MAGI2: variants seen among roughly 807,000 people sequenced by gnomAD.
MAGI2 encodes the protein membrane-associated guanylate kinase, WW and PDZ domain-containing protein 2.
In MAGI2, 35 loss-of-function variants were observed where a neutral mutation model predicts 133.3. The ratio of observed to expected loss-of-function variants is 0.26; its 90% CI spans 0.20 to 0.35. MAGI2 has a LOEUF of 0.35. Among genes scored for constraint, MAGI2 ranks in the 10% least tolerant of loss-of-function variants. The pLI, the probability that MAGI2 is intolerant of heterozygous loss-of-function variation, is 1.00. For missense variants in MAGI2, 1,636 were observed against 1,863.4 expected (o/e 0.88, Z 2.25); for synonymous variants, 729 against 710.6 (o/e 1.03, Z -0.41).
At chr7:78,871,813 T>C (rs1042763655) in intron 2 of MAGI2, among the ~76,000 whole-genome samples, 6 of 151,896 alleles carry the variant, frequency 4.0e-5, no homozygotes, top group African/African-American at 1.4e-4. Flanking sequence ...CATAATTATA[T>C]ACCTTTCCAT....
intron 1 of MAGI2, among the ~76,000 whole-genome samples, chr7:79,350,815 T>C (rs1841636509): frequency 6.6e-6 from 1 of 152,130 alleles, no homozygotes; most frequent in Non-Finnish European, 1.5e-5. Flanking sequence ...GGTCTGTTAC[T>C]GAGAAAATTA....
At chr7:78,216,755 A>G (rs1473711896) in intron 10 of MAGI2, among the ~76,000 whole-genome samples, 2 of 152,216 alleles carry the variant, frequency 1.3e-5, no homozygotes, top group African/African-American at 4.8e-5. Flanking sequence ...ATAAACCTCA[A>G]TGCTACTTCC....
intron 1 of MAGI2, among the ~76,000 whole-genome samples, chr7:79,443,397 G>A (rs1344606958): frequency 6.6e-6 from 1 of 151,662 alleles, no homozygotes; most frequent in Non-Finnish European, 1.5e-5. Context: ...AAAGCAAAGC[G>A]AGACTCCTTC....
At chr7:78,434,028 C>T (rs73370252) in intron 6 of MAGI2, among the ~76,000 whole-genome samples, 6,035 of 152,144 alleles carry the variant, frequency 0.04, 165 homozygotes, top group African/African-American at 0.075. Context: ...ATAAAAATAT[C>T]CCTCCATATT....
At chr7:78,032,074 G>A (rs1809649113) in intron 21 of MAGI2, among the ~76,000 whole-genome samples, 1 of 138,736 alleles carries the variant, frequency 7.2e-6, no homozygotes, top group Non-Finnish European at 1.5e-5. Context: ...AGTGAAAATA[G>A]AGCCCCTGTG....
chr7:78,951,881 T>C (rs1801901361), intron 2 of MAGI2, among the ~76,000 whole-genome samples: 1 of 152,218 alleles, frequency 6.6e-6, no homozygotes, highest in Admixed American at 6.5e-5. Context: ...TCCTCTACAC[T>C]GATTAGGGAC....
Position 78,947,304 on chromosome 7 carries a change from C to T in MAGI2, c.418+59786G>A, listed in dbSNP as rs891735275. 2.6e-5 allele frequency among the ~76,000 whole-genome samples: 4 copies of T among 152,214 alleles called. No homozygotes were observed. In the South Asian group the frequency reaches 8.3e-4, roughly 32 times the overall value. On this transcript the variant is annotated intron_variant, in intron 2 of 21. Coordinates refer to ENST00000354212, the MANE Select transcript of MAGI2 (RefSeq NM_012301.4). ...CCTCACCTCACCCAAATACGTGACACATTTTCCTCCATGTACTAAGTAGAT... is the reference window on the plus strand; with the variant it reads ...CCTCACCTCACCCAAATACGTGACATATTTTCCTCCATGTACTAAGTAGAT...
At chr7:79,117,735 C>A (rs1463007594) in intron 1 of MAGI2, among the ~76,000 whole-genome samples, 1 of 152,108 alleles carries the variant, frequency 6.6e-6, no homozygotes, top group Non-Finnish European at 1.5e-5. Context: ...AAAGAAAAAA[C>A]AAATGATTCT....
chr7:79,129,170 A>G (rs1820691751), intron 1 of MAGI2, among the ~76,000 whole-genome samples: 1 of 152,144 alleles, frequency 6.6e-6, no homozygotes, highest in Non-Finnish European at 1.5e-5. Flanking sequence ...AGCCTAGGTC[A>G]CCTCAAATGT....
At chr7:78,161,454 T>C (rs1358287918) in intron 15 of MAGI2, among the ~76,000 whole-genome samples, 1 of 152,074 alleles carries the variant, frequency 6.6e-6, no homozygotes, top group Non-Finnish European at 1.5e-5. Flanking sequence ...AATAATAAGA[T>C]GGAAAATAAT....
chr7:78,559,021 A>G (rs1800115112), intron 3 of MAGI2, among the ~76,000 whole-genome samples: 1 of 151,166 alleles, frequency 6.6e-6, no homozygotes, highest in Non-Finnish European at 1.5e-5. Flanking sequence ...CAAAATGTAC[A>G]GTGTTCTCTG....
chr7:79,240,553 T>A (rs1369604361), intron 1 of MAGI2, among the ~76,000 whole-genome samples: 1 of 152,076 alleles, frequency 6.6e-6, no homozygotes, highest in Non-Finnish European at 1.5e-5. Context: ...TACATAGTGA[T>A]CACTTGGTGA....
Position 78,132,938 on chromosome 7 carries a change from C to T in MAGI2, c.3154G>A (p.Ala1052Thr), listed in dbSNP as rs781523898. 34 of 1,613,578 alleles carry T rather than the reference C, an allele frequency of 2.1e-5. No homozygotes were observed. The highest frequency in any genetic ancestry group is 1.2e-4 in the South Asian group (11 of 91,058). The change falls in exon 18 of 22, where the codon GCC (alanine) becomes ACC (threonine). Residue 1052 changes from alanine to threonine, a missense_variant. Ala to Thr is a moderately conservative substitution (Grantham distance 58). Transcript: ENST00000354212. ...AGTGGTTGAGGTGGTGCTGGCTGGG[C>T]GATGGGGCTGTTGGGGGTGGCTGGG... ...PSPATPNSPI[A>T]QPAPPQPLQL...
At chr7:79,051,704 A>G (rs1812684080) in intron 1 of MAGI2, among the ~76,000 whole-genome samples, 1 of 151,992 alleles carries the variant, frequency 6.6e-6, no homozygotes, top group African/African-American at 2.4e-5. Context: ...TTTATACAAG[A>G]AAAAATGTAA....
At chr7:78,477,874 A>C (rs1027396268) in intron 6 of MAGI2, among the ~76,000 whole-genome samples, 1 of 151,914 alleles carries the variant, frequency 6.6e-6, no homozygotes, top group African/African-American at 2.4e-5. Flanking sequence ...ATATTTGAGA[A>C]TATTTCCTTT....
chr7:78,699,293 G>T (rs1437929741), intron 2 of MAGI2, among the ~76,000 whole-genome samples: 1 of 152,108 alleles, frequency 6.6e-6, no homozygotes, highest in Admixed American at 6.6e-5. Flanking sequence ...TAGTGATAAG[G>T]TCTCACTGTA....
At chr7:79,066,285 GTT>G (rs538535344) in intron 1 of MAGI2, among the ~76,000 whole-genome samples, 6 of 127,458 alleles carry the variant, frequency 4.7e-5, no homozygotes, top group Admixed American at 7.9e-5. Context: ...TCAGTGTGGT[GTT>G]TTTTTTTTTT....
At chr7:78,993,660 G>A (rs1806003071) in intron 2 of MAGI2, among the ~76,000 whole-genome samples, 1 of 151,716 alleles carries the variant, frequency 6.6e-6, no homozygotes, top group Admixed American at 6.6e-5. Context: ...TTATTCCTGG[G>A]GATCTAGTCT....
At chr7:79,051,892 C>T (rs1812708895) in intron 1 of MAGI2, among the ~76,000 whole-genome samples, 1 of 151,474 alleles carries the variant, frequency 6.6e-6, no homozygotes, top group Admixed American at 6.6e-5. Context: ...TATTTGGAGC[C>T]TCACTCTCTC....
Sources: allele counts gnomAD v4.1 joint callset (sites outside exome capture counted in the v4.1 genomes callset), GRCh38; gene constraint gnomAD v4.1.1; transcripts MANE v1.5; gene names NCBI Gene and HGNC (gene_info 2026-07-23, HGNC 2026-07-21).